The following SLC25A10 variants were observed in gnomAD, a reference collection of about 807,000 sequenced individuals.
The protein encoded by SLC25A10 is mitochondrial dicarboxylate carrier.
A neutral mutation model predicts 40.4 loss-of-function variants in SLC25A10; 32 were observed. The observed-to-expected ratio is 0.79, with a 90% CI of 0.60 to 1.06. The LOEUF is 1.06. Ranked by LOEUF, SLC25A10 falls within the 50% of genes least tolerant of loss-of-function variation. The probability of loss-of-function intolerance (pLI) is 0.00; values close to 1 mark genes in which losing one functional copy is unlikely to be tolerated. For synonymous variants in SLC25A10, 181 were observed against 171.1 expected, an observed-to-expected ratio of 1.06 and a Z score of -0.45; for missense variants, 394 against 402.6, an observed-to-expected ratio of 0.98 and a Z score of 0.18.
chr17:81,720,295 C>T lies in SLC25A10; in HGVS notation c.*218C>T. 3.5e-6 allele frequency: 5 copies of T among 1,435,940 alleles called. No individual in the cohort carries two copies. Among genetic ancestry groups the T allele is most frequent in the Non-Finnish European group, 4.5e-6 (5 of 1,100,438 alleles). 88.9% of individuals were successfully genotyped at this position (1,435,940 alleles called of 1,614,324 possible). On this transcript the variant is annotated 3_prime_UTR_variant, in exon 11 of 11. Coordinates refer to ENST00000350690, the MANE Select transcript of SLC25A10 (RefSeq NM_012140.5). ...CCACCCCCGCTCTGGCTACCAGGCTCTCCCGGCTGGGCACTGCGTGGCCTT... is the reference window on the plus strand; with the variant it reads ...CCACCCCCGCTCTGGCTACCAGGCTTTCCCGGCTGGGCACTGCGTGGCCTT...
Position 81,717,502 on chromosome 17 carries a change from G to A in SLC25A10, c.627+11G>A, listed in dbSNP as rs181204207. On this transcript the variant is annotated intron_variant, in intron 8 of 10. Coordinates refer to ENST00000350690, the MANE Select transcript of SLC25A10 (RefSeq NM_012140.5). Reference sequence around the variant, plus strand: ...GCCAGCTTTATTGCAGTAAGTGGCCGGCATGGCTAGGGTGGGCGTCCCTGG... The same window carrying A: ...GCCAGCTTTATTGCAGTAAGTGGCCAGCATGGCTAGGGTGGGCGTCCCTGG... The A allele has an allele frequency of 6.3e-4, 1,013 of 1,613,284 alleles. 1 individual carries two copies. Among genetic ancestry groups the A allele is most frequent in the Non-Finnish European group, 8.2e-4 (972 of 1,179,698 alleles).
At position 81,715,688 on chromosome 17, in the gene SLC25A10, C is replaced by G. The variant is rs572901029; in HGVS notation, c.329-5C>G. 16 of 1,613,202 alleles carry G rather than the reference C, an allele frequency of 9.9e-6. No individual in the cohort carries two copies. The highest frequency in any genetic ancestry group is 7.6e-6 in the Non-Finnish European group (9 of 1,179,920). The stretch of plus-strand genomic sequence containing the variant: ...GGCTCATCTCTGGGGTTTGTGTCAC[C>G]GCAGGTTTAGCTGGAGGCTTCGTGG... On this transcript the variant is annotated splice_polypyrimidine_tract_variant and splice_region_variant and intron_variant, in intron 3 of 10. Coordinates refer to ENST00000350690, the MANE Select transcript of SLC25A10 (RefSeq NM_012140.5).
chr17:81,712,542 G>T, intron 1 of SLC25A10, 23 bp downstream of exon 1: 2 of 1,228,376 alleles, frequency 1.6e-6, no homozygotes, highest in South Asian at 3.5e-5. Context: ...CCCGGGACGC[G>T]GGGCGGATGG....
rs1162661427 is a variant in SLC25A10 at position 81,712,473 on chromosome 17, C to T, written c.47C>T (p.Ala16Val). 9.2e-6 allele frequency: 12 copies of T among 1,305,258 alleles called. No homozygotes were observed. Among genetic ancestry groups the T allele is most frequent in the Non-Finnish European group, 1.1e-5 (11 of 1,028,760 alleles). 80.9% of individuals were successfully genotyped at this position (1,305,258 alleles called of 1,614,324 possible). ...TCGCGCTGGTACTTCGGGGGGCTGG[C>T]CTCCTGCGGGGCCGCCTGCTGCACG... ...RVSRWYFGGL[A>V]SCGAACCTHP... Residue 16 changes from alanine to valine, a missense_variant, in exon 1 of 11, where the codon GCC (alanine) becomes GTC (valine). By Grantham distance (64) the Ala-to-Val change is moderately conservative. Transcript: ENST00000350690.
At chr17:81,713,573 CCCAGGCCACAGGCAGCCACGGCCAG>C in intron 1 of SLC25A10, 1 of 845,552 alleles carries the variant, frequency 1.2e-6, no homozygotes, top group Non-Finnish European at 1.4e-6. Flanking sequence ...CTTCAGAGCT[CCCAGGCCACAGGCAGCCACGGCCAG>C]TGAGATGCAG....
At position 81,717,422 on chromosome 17, in the gene SLC25A10, G is replaced by A; in HGVS notation, c.558G>A (p.Lys186=). 6.2e-7 allele frequency: 1 copy of A among 1,613,566 alleles called. No individual in the cohort carries two copies. Among genetic ancestry groups the A allele is most frequent in the Non-Finnish European group, 8.5e-7 (1 of 1,179,930 alleles). ...AGCTGTCCTGCTACGACCAGGCCAA[G>A]CAGCTGGTCCTTAGCACCGGGTACC... ...VGQLSCYDQA[K]QLVLSTGYLS... Residue 186 remains lysine, a synonymous_variant, in exon 8 of 11, where the codon AAG becomes AAA. Coordinates refer to ENST00000350690, the MANE Select transcript of SLC25A10 (RefSeq NM_012140.5).
At chr17:81,717,271 C>G in intron 7 of SLC25A10, 128 bp from the exon 8 acceptor site, 1 of 1,078,630 alleles carries the variant, frequency 9.3e-7, no homozygotes, top group African/African-American at 1.5e-5. Context: ...CCTCCCCTGT[C>G]TGGGCCTCAC....
chr17:81,715,886 T>A (rs956726829), intron 4 of SLC25A10, 123 bp from the exon 5 acceptor site: 12 of 1,411,342 alleles, frequency 8.5e-6, no homozygotes, highest in African/African-American at 8.5e-5. Flanking sequence ...AGGGTGGGTG[T>A]CCCTGAGCCC....
chr17:81,714,373 G>A (rs867924160), intron 1 of SLC25A10, among the ~76,000 whole-genome samples: 6 of 152,200 alleles, frequency 3.9e-5, no homozygotes, highest in Non-Finnish European at 8.8e-5. Context: ...CAGCCCCCGA[G>A]TGCCTGCCCA....
At position 81,717,793 on chromosome 17, in the gene SLC25A10, G is replaced by A. The variant is rs2037516866; in HGVS notation, c.637G>A (p.Ala213Thr). 1 of 1,611,740 alleles carries A rather than the reference G, an allele frequency of 6.2e-7. No individual in the cohort carries two copies. The highest frequency in any genetic ancestry group is 1.1e-5 in the South Asian group (1 of 90,842). Residue 213 changes from alanine (A) to threonine (T), a missense_variant, in exon 9 of 11, where the codon GCC becomes ACC. Transcript: ENST00000350690. ...CGAGCCCCCTCCTCAGGGTGGATGT[G>A]CCACGTTCCTGTGCCAGCCCCTGGA... ...FVASFIAGGC[A>T]TFLCQPLDVL...
Position 81,720,830 on chromosome 17 carries a change from G to C in SLC25A10, c.*753G>C, listed in dbSNP as rs1129921. Reference sequence around the variant, plus strand: ...GTCCCTCGGGCACCTGGGCCCCCCCGCTTGGCTCCCTGGGGGAATGGCCCA... The same window carrying C: ...GTCCCTCGGGCACCTGGGCCCCCCCCCTTGGCTCCCTGGGGGAATGGCCCA... On this transcript the variant is annotated 3_prime_UTR_variant, in exon 11 of 11. Coordinates refer to ENST00000350690, the MANE Select transcript of SLC25A10 (RefSeq NM_012140.5). 4.5e-6 allele frequency: 1 copy of C among 224,670 alleles called. No individual in the cohort carries two copies. Among genetic ancestry groups the C allele is most frequent in the Admixed American group, 5.8e-5 (1 of 17,278 alleles). The allele number at this position is 224,670 out of a possible 1,614,324, so 13.9% of individuals were successfully genotyped here.
rs754366019 is a variant in SLC25A10 at position 81,715,010 on chromosome 17, G to A, written c.151G>A (p.Val51Met). ...GCGCATGACGGGCATGGCGCTGCGG[G>A]TGGTGCGTACCGACGGCATCCTGGC... The part of the protein sequence containing the change: ...KLRMTGMALR[V>M]VRTDGILALY... The change falls in exon 2 of 11, where the codon GTG becomes ATG. Residue 51 changes from valine (V) to methionine (M), a missense_variant. By Grantham distance (21) the Val-to-Met change is conservative. Transcript: ENST00000350690. 1 of 1,610,126 alleles carries A rather than the reference G, an allele frequency of 6.2e-7. No individual in the cohort carries two copies. Among genetic ancestry groups the A allele is most frequent in the Non-Finnish European group, 8.5e-7 (1 of 1,179,940 alleles).
chr17:81,714,656 C>T (rs567380068), intron 1 of SLC25A10, among the ~76,000 whole-genome samples: 1 of 152,340 alleles, frequency 6.6e-6, no homozygotes, highest in South Asian at 2.1e-4. Context: ...CTCTCCATGC[C>T]TCAGTTTCCT....
At chr17:81,715,817 C>G in intron 4 of SLC25A10, 76 bp downstream of exon 4, 1 of 1,580,694 alleles carries the variant, frequency 6.3e-7, no homozygotes, top group Non-Finnish European at 8.7e-7. Flanking sequence ...GCCAGGGCTG[C>G]TTGCAGGGTG....
chr17:81,715,474 C>G lies in SLC25A10; in HGVS notation c.214-4C>G, dbSNP rs779923110. On this transcript the variant is annotated splice_polypyrimidine_tract_variant and splice_region_variant and intron_variant, in intron 2 of 10. Coordinates refer to ENST00000350690, the MANE Select transcript of SLC25A10 (RefSeq NM_012140.5). ...TCCCTCCAAGCCAGGCCCTTCTCCC[C>G]CAGATGACCTACTCCCTGACTCGGT... is the stretch of plus-strand genomic sequence containing the variant. 5 of 1,611,136 alleles carry G rather than the reference C, an allele frequency of 3.1e-6. No homozygotes were observed. The Admixed American group carries it at 6.7e-5, about 21-fold the overall frequency.
At chr17:81,717,931 G>A in intron 9 of SLC25A10, 70 bp downstream of exon 9, 1 of 1,223,568 alleles carries the variant, frequency 8.2e-7, no homozygotes. Flanking sequence ...CCGGGGGGTG[G>A]ACACTCGCAC....
rs779302053 is a variant in SLC25A10 at position 81,719,810 on chromosome 17, GTTTCACTGCGTTTTCTGCAGGGCGTT to G, written c.706-18_713del. ...TGGGTGAGAAGCAGCCTTTTTGATT[GTTTCACTGCGTTTTCTGCAGGGCGTT>G]TTCCACTGCGCCGTGGAGACAGCGA... On this transcript the variant is annotated splice_acceptor_variant and splice_polypyrimidine_tract_variant and coding_sequence_variant and intron_variant, in exon 10 of 11. Coordinates refer to ENST00000350690, the MANE Select transcript of SLC25A10 (RefSeq NM_012140.5). LOFTEE classifies it high-confidence loss of function. 1.2e-6 allele frequency: 2 copies of G among 1,612,312 alleles called. No homozygotes were observed. Among genetic ancestry groups the G allele is most frequent in the Admixed American group, 3.3e-5 (2 of 59,982 alleles).
chr17:81,716,854 A>C lies in SLC25A10; in HGVS notation c.462A>C (p.Glu154Asp). ...ATGGCCTGTACCGCGTAGCTCGTGA[A>C]GGTGAGGGGCAGGTGCTGTGCACAG... Reference protein sequence around the residue: ...ALDGLYRVAREEGLRRLFSGA... With the variant: ...ALDGLYRVARDEGLRRLFSGA... Residue 154 changes from glutamate to aspartate, a missense_variant and splice_region_variant, in exon 6 of 11, where the codon GAA (glutamate) becomes GAC (aspartate). Glu to Asp is a conservative substitution (Grantham distance 45, BLOSUM62 2). Transcript: ENST00000350690. 6.2e-7 allele frequency: 1 copy of C among 1,608,866 alleles called. No individual in the cohort carries two copies. Among genetic ancestry groups the C allele is most frequent in the African/African-American group, 1.3e-5 (1 of 74,886 alleles).
chr17:81,718,532 G>A (rs1403106413), intron 9 of SLC25A10, among the ~76,000 whole-genome samples: 1 of 152,214 alleles, frequency 6.6e-6, no homozygotes, highest in Non-Finnish European at 1.5e-5. Flanking sequence ...GTGCATGCCT[G>A]TAGTTCCAGC....
Sources: allele counts gnomAD v4.1 joint callset (sites outside exome capture counted in the v4.1 genomes callset), GRCh38; gene constraint gnomAD v4.1.1; transcripts MANE v1.5; gene names NCBI Gene and HGNC (gene_info 2026-07-23, HGNC 2026-07-21).